Variants in SURF4 observed in about 807,000 individuals in gnomAD.
The protein encoded by SURF4 is surfeit 4, also known as surfeit locus protein 4.
In SURF4, 3 loss-of-function variants were observed where a neutral mutation model predicts 30.0. The observed-to-expected ratio is 0.10, with a 90% CI of 0.05 to 0.26. The LOEUF is 0.26. Among genes scored for constraint, SURF4 ranks in the 10% least tolerant of loss-of-function variants. The pLI, the probability that SURF4 is intolerant of heterozygous loss-of-function variation, is 1.00. For synonymous variants in SURF4, 143 were observed against 139.9 expected (o/e 1.02, Z -0.16); for missense variants, 217 against 350.8 (o/e 0.62, Z 3.05).
chr9:133,371,275 A>C (rs1588717700), intron 1 of SURF4: 1 of 286,982 alleles, frequency 3.5e-6, no homozygotes. Context: ...CTCAGGTCCC[A>C]CACATCCTAG....
chr9:133,368,910 G>A (rs2130164268), intron 1 of SURF4, among the ~76,000 whole-genome samples: 10 of 152,334 alleles, frequency 6.6e-5, no homozygotes, highest in East Asian at 3.9e-4. Context: ...TGACCCCCAC[G>A]GGAGGCGAGC....
At position 133,363,880 on chromosome 9, in the gene SURF4, G is replaced by A; in HGVS notation, c.544-121C>T. 1 of 1,233,120 alleles carries A rather than the reference G, an allele frequency of 8.1e-7. No individual in the cohort carries two copies. Among genetic ancestry groups the A allele is most frequent in the East Asian group, 2.5e-5 (1 of 40,108 alleles). 76.4% of individuals were successfully genotyped at this position (1,233,120 alleles called of 1,614,324 possible). A position where few individuals can be genotyped will look rare whatever the true frequency, so the allele number is the denominator to read the frequency against. On this transcript the variant is annotated intron_variant, in intron 5 of 5. Coordinates refer to ENST00000371989, the MANE Select transcript of SURF4 (RefSeq NM_033161.4). The surrounding 1 kb of genome is among the most constrained non-coding windows in gnomAD (Gnocchi z 4.3). ...TATCCATCAGGCTGATGTAGCTACTGCTGAGACGGCTGCTGGTGCAAGTAG... is the reference window on the plus strand; with the variant it reads ...TATCCATCAGGCTGATGTAGCTACTACTGAGACGGCTGCTGGTGCAAGTAG...
chr9:133,376,642 C>T (rs1837966637), upstream of SURF4: 3 of 1,237,866 alleles, frequency 2.4e-6, no homozygotes, highest in Non-Finnish European at 3.3e-6. Context: ...CGGTTCCGAC[C>T]GAGGGCGGCG....
rs2130234177 is a variant in SURF4, at chr9:133,375,233, T to C, written c.48+689A>G. ...TCAAAGGCTTCCCTGTTGCTCAGAA[T>C]GCCACCTGGACACTTCTGGAAGGAG... On this transcript the variant is annotated intron_variant, in intron 1 of 5. Transcript: ENST00000371989. 27 of 985,492 alleles carry C rather than the reference T, an allele frequency of 2.7e-5. 1 individual carries two copies. In the South Asian group the frequency reaches 1.1e-3, roughly 39 times the overall value. 61.0% of individuals were successfully genotyped at this position (985,492 alleles called of 1,614,324 possible).
chr9:133,375,494 G>T, intron 1 of SURF4: 1 of 889,300 alleles, frequency 1.1e-6, no homozygotes, highest in Non-Finnish European at 1.3e-6. Context: ...TCGTCCCCGA[G>T]CTCCCAGCCC....
chr9:133,361,724 G>GCT lies in SURF4; in HGVS notation c.*1767_*1768dup, dbSNP rs1836815164. On this transcript the variant is annotated 3_prime_UTR_variant, in exon 6 of 6. Coordinates refer to ENST00000371989, the MANE Select transcript of SURF4 (RefSeq NM_033161.4). Reference sequence around the variant, plus strand: ...GAACACCCACTAGGACGGAGGCGCTGCTGGTGCAGAACTGGTGCTGACTGC... The same window carrying GCT: ...GAACACCCACTAGGACGGAGGCGCTGCTCTGGTGCAGAACTGGTGCTGACTGC... 6.5e-6 allele frequency: 1 copy of GCT among 153,598 alleles called. No individual in the cohort carries two copies. The highest frequency in any genetic ancestry group is 2.4e-5 in the African/African-American group (1 of 41,452). The allele number at this position is 153,598 out of a possible 1,614,324, so 9.5% of individuals were successfully genotyped here.
At chr9:133,376,158 G>C, upstream of SURF4, 1 of 1,211,824 alleles carries the variant, frequency 8.3e-7, no homozygotes, top group Non-Finnish European at 1.0e-6. Flanking sequence ...GCCCGCCCCG[G>C]TGCGTCTTAA....
chr9:133,372,389 A>T (rs2130196922), intron 1 of SURF4, among the ~76,000 whole-genome samples: 16 of 152,300 alleles, frequency 1.1e-4, no homozygotes, highest in Middle Eastern at 3.4e-3. Context: ...CAGGATGCGG[A>T]CTCAGTCTCC....
chr9:133,367,244 C>T lies in SURF4; in HGVS notation c.235+15G>A, dbSNP rs2130137876. 22 of 1,612,080 alleles carry T rather than the reference C, an allele frequency of 1.4e-5. 1 individual carries two copies. In the East Asian group the frequency reaches 3.3e-4, roughly 25 times the overall value. ...AGACGCCCAGTGAATCCTGACCACCCGCAGAGCCACTCACTCAGCTGTCCC... is the reference window on the plus strand; with the variant it reads ...AGACGCCCAGTGAATCCTGACCACCTGCAGAGCCACTCACTCAGCTGTCCC... On this transcript the variant is annotated intron_variant, in intron 2 of 5. Transcript: ENST00000371989.
intron 1 of SURF4, chr9:133,371,252 G>T: frequency 2.1e-6 from 1 of 470,024 alleles, no homozygotes; most frequent in Non-Finnish European, 2.8e-6. Flanking sequence ...GGGCTGCCTT[G>T]TTCAAAGCCC....
At chr9:133,364,113 A>G (rs1028036637) in intron 5 of SURF4, among the ~76,000 whole-genome samples, 5 of 152,122 alleles carry the variant, frequency 3.3e-5, no homozygotes, top group African/African-American at 4.8e-5. Context: ...TGGCGCCAGG[A>G]GCTCTTCCTG....
intron 1 of SURF4, among the ~76,000 whole-genome samples, chr9:133,373,092 T>C (rs1405357168): frequency 6.6e-6 from 1 of 152,248 alleles, no homozygotes; most frequent in Non-Finnish European, 1.5e-5. Flanking sequence ...CACCCGCTAG[T>C]GCTCTTCCCT....
chr9:133,375,058 G>T (rs1837795536), intron 1 of SURF4, among the ~76,000 whole-genome samples: 1 of 152,212 alleles, frequency 6.6e-6, no homozygotes, highest in South Asian at 2.1e-4. Flanking sequence ...GCATAAATCT[G>T]CGTAACCACC....
rs2130085620 is a variant in SURF4, at chr9:133,363,417, C to A, written c.*76G>T. On this transcript the variant is annotated 3_prime_UTR_variant, in exon 6 of 6. Coordinates refer to ENST00000371989, the MANE Select transcript of SURF4 (RefSeq NM_033161.4). This position sits in a 1 kb window ranked among gnomAD's most constrained non-coding sequence, Gnocchi z 4.3. Reference sequence around the variant, plus strand: ...AGGGAAGAGGATACATAAAAGCTGGCAGTTTTGTTGAATCCACCCCGAACC... The same window carrying A: ...AGGGAAGAGGATACATAAAAGCTGGAAGTTTTGTTGAATCCACCCCGAACC... The A allele has an allele frequency of 4.3e-6, 7 of 1,612,028 alleles. No individual in the cohort carries two copies. Among genetic ancestry groups the A allele is most frequent in the African/African-American group, 1.3e-5 (1 of 74,896 alleles).
intron 1 of SURF4, chr9:133,375,341 G>A: frequency 2.0e-6 from 2 of 982,022 alleles, no homozygotes; most frequent in Non-Finnish European, 1.2e-6. Flanking sequence ...GTCCAAACGG[G>A]GAGGGAGACG....
chr9:133,376,587 G>T, upstream of SURF4: 1 of 1,552,944 alleles, frequency 6.4e-7, no homozygotes. Context: ...GCGGGGAGGC[G>T]GGAGCTCCGT....
chr9:133,376,249 C>T (rs1394656039), upstream of SURF4: 3 of 1,303,186 alleles, frequency 2.3e-6, no homozygotes, highest in African/African-American at 3.1e-5. Context: ...GCCTCTCACG[C>T]TGGAGGCCCC....
intron 5 of SURF4, among the ~76,000 whole-genome samples, chr9:133,364,397 A>G (rs2130101859): frequency 2.0e-5 from 3 of 152,290 alleles, no homozygotes; most frequent in Admixed American, 1.3e-4. Context: ...AATGGGATCA[A>G]AAAGTTTGCT....
rs2130093515 is a variant in SURF4, at chr9:133,363,807, A to G, written c.544-48T>C. 6.2e-7 allele frequency: 1 copy of G among 1,610,348 alleles called. No individual in the cohort carries two copies. The highest frequency in any genetic ancestry group is 1.7e-5 in the Admixed American group (1 of 59,938). ...AATTCAAAATAAATGTGAGGAAAAGAGATGCTTTATAAACAAAAGTTCCAG... is the reference window on the plus strand; with the variant it reads ...AATTCAAAATAAATGTGAGGAAAAGGGATGCTTTATAAACAAAAGTTCCAG... On this transcript the variant is annotated intron_variant, in intron 5 of 5. Transcript: ENST00000371989. The surrounding 1 kb of genome is among the most constrained non-coding windows in gnomAD (Gnocchi z 4.3).
Sources: gnomAD v4.1 joint callset for allele counts (sites outside exome capture counted in the v4.1 genomes callset) on GRCh38, gnomAD v4.1.1 for gene constraint, Gnocchi (gnomAD v3.1) non-coding constraint, MANE v1.5 for transcripts, NCBI Gene and HGNC (gene_info 2026-07-23, HGNC 2026-07-21) for gene names.